EGR3: variants seen among roughly 807,000 people sequenced by gnomAD.
EGR3 encodes early growth response protein 3.
In EGR3, 4 loss-of-function variants were observed where a neutral mutation model predicts 22.4. The ratio of observed to expected loss-of-function variants is 0.18; its 90% CI spans 0.09 to 0.41. The LOEUF (loss-of-function observed/expected upper bound fraction) is 0.41. Among genes scored for constraint, EGR3 ranks in the 10% least tolerant of loss-of-function variants. EGR3 has a pLI of 1.00. For missense variants in EGR3, 315 were observed against 541.3 expected, an observed-to-expected ratio of 0.58 and a Z score of 4.15; for synonymous variants, 219 against 226.8, an observed-to-expected ratio of 0.97 and a Z score of 0.31.
Position 22,692,542 on chromosome 8 carries a change from C to T in EGR3, c.154+249G>A, listed in dbSNP as rs1804006918. 3 of 1,429,168 alleles carry T rather than the reference C, an allele frequency of 2.1e-6. No individual in the cohort carries two copies. The highest frequency in any genetic ancestry group is 2.5e-5 in the East Asian group (1 of 39,672). 88.5% of individuals were successfully genotyped at this position (1,429,168 alleles called of 1,614,324 possible). A position where few individuals can be genotyped will look rare whatever the true frequency, so the allele number is the denominator to read the frequency against. On this transcript the variant is annotated intron_variant, in intron 1 of 1. Transcript: ENST00000317216. This position sits in a 1 kb window ranked among gnomAD's most constrained non-coding sequence, Gnocchi z 6.2. ...TGCCCCCACCCGGGAGAACCGAAGC[C>T]TCTACCGTGGCGTCGCCAACCTAGC...
At position 22,691,094 on chromosome 8, in the gene EGR3, C is replaced by A; in HGVS notation, c.543G>T (p.Pro181=). 6.2e-7 allele frequency: 1 copy of A among 1,613,778 alleles called. No individual in the cohort carries two copies. Among genetic ancestry groups the A allele is most frequent in the Non-Finnish European group, 8.5e-7 (1 of 1,179,734 alleles). ...TGGGGAAGAGATTGCTGTCCAACGC[C>A]GGCTTGGCCGATTGGTAATCCTGGG... ...YSPQDYQSAK[P]ALDSNLFPMI... The change falls in exon 2 of 2, where the codon CCG becomes CCT. Residue 181 remains proline, a synonymous_variant. Coordinates refer to ENST00000317216, the MANE Select transcript of EGR3 (RefSeq NM_004430.3).
In EGR3 at chr8:22,691,013, C is replaced by A. The variant is rs199865032; in HGVS notation, c.624G>T (p.Glu208Asp). The A allele has an allele frequency of 5.7e-6, 9 of 1,590,986 alleles. No homozygotes were observed. In the Admixed American group the frequency reaches 8.5e-5, roughly 15 times the overall value. The change falls in exon 2 of 2, where the codon GAG becomes GAT. Residue 208 changes from glutamate to aspartate, a missense_variant. Coordinates refer to ENST00000317216, the MANE Select transcript of EGR3 (RefSeq NM_004430.3). ...GGTCCATGCCCTGGAAGGGCTTGTG[C>A]TCCGGAATGGAGCCCATGTCGTTGG... Reference protein sequence around the residue: ...HHPNDMGSIPEHKPFQGMDPI... With the variant: ...HHPNDMGSIPDHKPFQGMDPI...
At position 22,689,510 on chromosome 8, in the gene EGR3, G is replaced by A. The variant is rs1803871706; in HGVS notation, c.*963C>T. The A allele has an allele frequency of 6.6e-6, 1 of 152,646 alleles. No individual in the cohort carries two copies. Among genetic ancestry groups the A allele is most frequent in the African/African-American group, 2.4e-5 (1 of 41,442 alleles). 9.5% of individuals were successfully genotyped at this position (152,646 alleles called of 1,614,324 possible). A position where few individuals can be genotyped will look rare whatever the true frequency, so the allele number is the denominator to read the frequency against. On this transcript the variant is annotated 3_prime_UTR_variant, in exon 2 of 2. Coordinates refer to ENST00000317216, the MANE Select transcript of EGR3 (RefSeq NM_004430.3). ...TGAAAGAGATGGGAGAAGGTTTAGA[G>A]GGGAGAAGGGGAAGGAGTGGGAGGG...
At position 22,687,867 on chromosome 8, in the gene EGR3, A is replaced by G. The variant is rs1295140841; in HGVS notation, c.*2606T>C. 6.5e-6 allele frequency: 1 copy of G among 152,688 alleles called. No homozygotes were observed. Among genetic ancestry groups the G allele is most frequent in the Non-Finnish European group, 1.5e-5 (1 of 68,050 alleles). 9.5% of individuals were successfully genotyped at this position (152,688 alleles called of 1,614,324 possible). On this transcript the variant is annotated 3_prime_UTR_variant, in exon 2 of 2. Coordinates refer to ENST00000317216, the MANE Select transcript of EGR3 (RefSeq NM_004430.3). The surrounding 1 kb of genome is among the most constrained non-coding windows in gnomAD (Gnocchi z 4.7). The stretch of plus-strand genomic sequence containing the variant: ...TTATATTGGCATTACAATATGACAA[A>G]GGAGCAAATGAAATGTTGGTGAAGA...
In EGR3 at chr8:22,692,811, T is replaced by G; in HGVS notation, c.134A>C (p.His45Pro). ...LFSGSSDSVV[H>P]YNQMATENVM... ...CTTACCTGTAGCCATCTGATTGTAATGGACTACCGAGTCGCTGCTGCCGGA... is the reference window on the plus strand; with the variant it reads ...CTTACCTGTAGCCATCTGATTGTAAGGGACTACCGAGTCGCTGCTGCCGGA... The change falls in exon 1 of 2, where the codon CAT (histidine) becomes CCT (proline). Residue 45 changes from histidine (H) to proline (P), a missense_variant. His to Pro is a moderately conservative substitution (Grantham distance 77). This residue lies in a region of EGR3 where 227 missense variants were observed against 303.6 expected (regional missense o/e 0.75). Transcript: ENST00000317216. The surrounding 1 kb of genome is among the most constrained non-coding windows in gnomAD (Gnocchi z 6.2). 6.2e-7 allele frequency: 1 copy of G among 1,612,922 alleles called. No homozygotes were observed. Among genetic ancestry groups the G allele is most frequent in the Non-Finnish European group, 8.5e-7 (1 of 1,179,602 alleles).
rs1424619529 is a variant in EGR3, at chr8:22,692,217, C to A, written c.154+574G>T. 1.7e-5 allele frequency: 25 copies of A among 1,431,736 alleles called. No individual in the cohort carries two copies. Among genetic ancestry groups the A allele is most frequent in the Non-Finnish European group, 2.1e-5 (23 of 1,099,220 alleles). 88.7% of individuals were successfully genotyped at this position (1,431,736 alleles called of 1,614,324 possible). On this transcript the variant is annotated intron_variant, in intron 1 of 1. Transcript: ENST00000317216. This position sits in a 1 kb window ranked among gnomAD's most constrained non-coding sequence, Gnocchi z 6.2. ...TCGTTCCCCGTGGCAGGCCCTCGCC[C>A]CGCGGGTGAACCCCCTCCTTCTCCC... is the stretch of plus-strand genomic sequence containing the variant.
chr8:22,690,427 C>A lies in EGR3; in HGVS notation c.*46G>T, dbSNP rs1462868667. On this transcript the variant is annotated 3_prime_UTR_variant, in exon 2 of 2. Transcript: ENST00000317216. ...TTTCCCGCTGCTTTCAGGCTAGCAG[C>A]CGGGAGGCACTGGAGGGGAAAAGTG... 6.0e-6 allele frequency: 9 copies of A among 1,502,956 alleles called. No individual in the cohort carries two copies. Among genetic ancestry groups the A allele is most frequent in the Non-Finnish European group, 9.0e-7 (1 of 1,109,674 alleles). The allele number at this position is 1,502,956 out of a possible 1,614,324, so 93.1% of individuals were successfully genotyped here.
In EGR3 at chr8:22,688,695, T is replaced by C. The variant is rs565566321; in HGVS notation, c.*1778A>G. On this transcript the variant is annotated 3_prime_UTR_variant, in exon 2 of 2. Coordinates refer to ENST00000317216, the MANE Select transcript of EGR3 (RefSeq NM_004430.3). ...AAACTCCAGACCTTTGTTCCTTCTC[T>C]CTGGGCAACTTACTGACCACAGGAG... 6.5e-6 allele frequency: 1 copy of C among 152,754 alleles called. No homozygotes were observed. The highest frequency in any genetic ancestry group is 1.5e-5 in the Non-Finnish European group (1 of 68,034). 9.5% of individuals were successfully genotyped at this position (152,754 alleles called of 1,614,324 possible). A position where few individuals can be genotyped will look rare whatever the true frequency, so the allele number is the denominator to read the frequency against.
intron 1 of EGR3, chr8:22,691,869 A>C (rs909034885): frequency 4.1e-6 from 4 of 984,376 alleles, no homozygotes; most frequent in African/African-American, 3.5e-5. Flanking sequence ...ACCGCACACA[A>C]CTCGGCCTCT....
chr8:22,692,435 C>T lies in EGR3; in HGVS notation c.154+356G>A. Reference sequence around the variant, plus strand: ...AAGAGGGCGACAGCACCACGCCTTGCGCGTAGCCCGGCGATCGGGCCCCCT... The same window carrying T: ...AAGAGGGCGACAGCACCACGCCTTGTGCGTAGCCCGGCGATCGGGCCCCCT... On this transcript the variant is annotated intron_variant, in intron 1 of 1. Coordinates refer to ENST00000317216, the MANE Select transcript of EGR3 (RefSeq NM_004430.3). The surrounding 1 kb of genome is among the most constrained non-coding windows in gnomAD (Gnocchi z 6.2). 1 of 1,424,318 alleles carries T rather than the reference C, an allele frequency of 7.0e-7. No individual in the cohort carries two copies. 88.2% of individuals were successfully genotyped at this position (1,424,318 alleles called of 1,614,324 possible). A position where few individuals can be genotyped will look rare whatever the true frequency, so the allele number is the denominator to read the frequency against.
chr8:22,690,362 G>T lies in EGR3; in HGVS notation c.*111C>A. The T allele has an allele frequency of 1.1e-6, 1 of 873,868 alleles. No homozygotes were observed. The highest frequency in any genetic ancestry group is 1.7e-6 in the Non-Finnish European group (1 of 583,178). The allele number at this position is 873,868 out of a possible 1,614,324, so 54.1% of individuals were successfully genotyped here. The stretch of plus-strand genomic sequence containing the variant: ...GGGAAGCAAGGGGCCGCACGTCCAT[G>T]GAGAGGCCAGGGCGCGGCCCCTACG... On this transcript the variant is annotated 3_prime_UTR_variant, in exon 2 of 2. Coordinates refer to ENST00000317216, the MANE Select transcript of EGR3 (RefSeq NM_004430.3).
In EGR3 at chr8:22,692,614, G is replaced by GC; in HGVS notation, c.154+176dup. The GC allele has an allele frequency of 4.9e-6, 7 of 1,439,290 alleles. No individual in the cohort carries two copies. Among genetic ancestry groups the GC allele is most frequent in the East Asian group, 5.0e-5 (2 of 39,668 alleles). The allele number at this position is 1,439,290 out of a possible 1,614,324, so 89.2% of individuals were successfully genotyped here. A position where few individuals can be genotyped will look rare whatever the true frequency, so the allele number is the denominator to read the frequency against. On this transcript the variant is annotated intron_variant, in intron 1 of 1. Transcript: ENST00000317216. The surrounding 1 kb of genome is among the most constrained non-coding windows in gnomAD (Gnocchi z 6.2). ...GAGGAGTGGGTGGGAAAAGCAACTC[G>GC]CCCCCCGCAAAATTCCCAGCGCGCC...
Position 22,693,009 on chromosome 8 carries a change from C to T in EGR3, c.-65G>A. 7 of 1,486,532 alleles carry T rather than the reference C, an allele frequency of 4.7e-6. No homozygotes were observed. The highest frequency in any genetic ancestry group is 1.9e-4 in the Middle Eastern group (1 of 5,298). The allele number at this position is 1,486,532 out of a possible 1,614,324, so 92.1% of individuals were successfully genotyped here. A position where few individuals can be genotyped will look rare whatever the true frequency, so the allele number is the denominator to read the frequency against. Reference sequence around the variant, plus strand: ...CCGCCGCCGCTCGCTCCTAACGCAGCTTCCAGGCAAGCGGCATCCGAGAGG... The same window carrying T: ...CCGCCGCCGCTCGCTCCTAACGCAGTTTCCAGGCAAGCGGCATCCGAGAGG... On this transcript the variant is annotated 5_prime_UTR_variant, in exon 1 of 2. Transcript: ENST00000317216.
In EGR3 at chr8:22,692,505, C is replaced by G; in HGVS notation, c.154+286G>C. 1 of 1,421,418 alleles carries G rather than the reference C, an allele frequency of 7.0e-7. No individual in the cohort carries two copies. The highest frequency in any genetic ancestry group is 2.6e-5 in the East Asian group (1 of 39,076). The allele number at this position is 1,421,418 out of a possible 1,614,324, so 88.1% of individuals were successfully genotyped here. Reference sequence around the variant, plus strand: ...CAGAGCCGCTCGCACCTACCTCCCTCCGGTCGGCGGCTGCCCCCACCCGGG... The same window carrying G: ...CAGAGCCGCTCGCACCTACCTCCCTGCGGTCGGCGGCTGCCCCCACCCGGG... On this transcript the variant is annotated intron_variant, in intron 1 of 1. Transcript: ENST00000317216. This position sits in a 1 kb window ranked among gnomAD's most constrained non-coding sequence, Gnocchi z 6.2.
At chr8:22,691,745 C>T in intron 1 of EGR3, 1 of 985,420 alleles carries the variant, frequency 1.0e-6, no homozygotes, top group Non-Finnish European at 1.2e-6. Context: ...TCACGTACCA[C>T]ACACACACGC....
Position 22,692,083 on chromosome 8 carries a change from T to C in EGR3, c.155-601A>G, listed in dbSNP as rs750136058. On this transcript the variant is annotated intron_variant, in intron 1 of 1. Transcript: ENST00000317216. The surrounding 1 kb of genome is among the most constrained non-coding windows in gnomAD (Gnocchi z 6.2). ...GCATGAAGGAGCTTTAGGCTCTTGC[T>C]GGAGGGGAAAATCCTAGCCCCAGCT... is the stretch of plus-strand genomic sequence containing the variant. 489 of 1,347,834 alleles carry C rather than the reference T, an allele frequency of 3.6e-4. No individual in the cohort carries two copies. The highest frequency in any genetic ancestry group is 4.5e-4 in the Non-Finnish European group (473 of 1,053,520). The allele number at this position is 1,347,834 out of a possible 1,614,324, so 83.5% of individuals were successfully genotyped here.
Position 22,690,417 on chromosome 8 carries a change from A to T in EGR3, c.*56T>A. ...CGTGGCTGGCTTTCCCGCTGCTTTC[A>T]GGCTAGCAGCCGGGAGGCACTGGAG... On this transcript the variant is annotated 3_prime_UTR_variant, in exon 2 of 2. Transcript: ENST00000317216. 2 of 1,436,668 alleles carry T rather than the reference A, an allele frequency of 1.4e-6. No individual in the cohort carries two copies. The highest frequency in any genetic ancestry group is 1.9e-6 in the Non-Finnish European group (2 of 1,058,782). The allele number at this position is 1,436,668 out of a possible 1,614,324, so 89.0% of individuals were successfully genotyped here.
At position 22,692,304 on chromosome 8, in the gene EGR3, C is replaced by G. The variant is rs1266440602; in HGVS notation, c.154+487G>C. ...CCGGAAAGGCAGCGTCGCAGTACCT[C>G]TCCCACCGCGGGGACTCCACGCCGC... is the stretch of plus-strand genomic sequence containing the variant. On this transcript the variant is annotated intron_variant, in intron 1 of 1. Transcript: ENST00000317216. The surrounding 1 kb of genome is among the most constrained non-coding windows in gnomAD (Gnocchi z 6.2). The G allele has an allele frequency of 3.9e-6, 6 of 1,519,366 alleles. No homozygotes were observed. The highest frequency in any genetic ancestry group is 1.2e-5 in the South Asian group (1 of 82,922). The allele number at this position is 1,519,366 out of a possible 1,614,324, so 94.1% of individuals were successfully genotyped here.
Position 22,692,128 on chromosome 8 carries a change from G to A in EGR3, c.155-646C>T, listed in dbSNP as rs1314137405. 1 of 1,365,804 alleles carries A rather than the reference G, an allele frequency of 7.3e-7. No individual in the cohort carries two copies. The highest frequency in any genetic ancestry group is 1.7e-5 in the South Asian group (1 of 59,412). The allele number at this position is 1,365,804 out of a possible 1,614,324, so 84.6% of individuals were successfully genotyped here. A position where few individuals can be genotyped will look rare whatever the true frequency, so the allele number is the denominator to read the frequency against. The stretch of plus-strand genomic sequence containing the variant: ...CCAGCTAGGGAGGGTGGAGAGCGGC[G>A]GAAAACCGGCCGGTGTCTCCATGGC... On this transcript the variant is annotated intron_variant, in intron 1 of 1. Coordinates refer to ENST00000317216, the MANE Select transcript of EGR3 (RefSeq NM_004430.3). This position sits in a 1 kb window ranked among gnomAD's most constrained non-coding sequence, Gnocchi z 6.2.
Sources: gnomAD v4.1 joint callset for allele counts on GRCh38, gnomAD v4.1.1 for gene constraint, gnomAD v4.1.1 regional missense constraint, Gnocchi (gnomAD v3.1) non-coding constraint, MANE v1.5 for transcripts, NCBI Gene and HGNC (gene_info 2026-07-23, HGNC 2026-07-21) for gene names.